The following CHSY3 variants were observed in gnomAD, a reference collection of about 807,000 sequenced individuals.
CHSY3 encodes the protein chondroitin sulfate synthase 3.
Under a neutral mutation model 67.2 loss-of-function variants are expected in CHSY3, and 35 were observed. That is an observed-to-expected ratio of 0.52 (90% CI 0.40 to 0.69). The LOEUF (loss-of-function observed/expected upper bound fraction) is 0.69, where lower values mean the gene tolerates loss of function less well. Ranked by LOEUF, CHSY3 falls within the 30% of genes least tolerant of loss-of-function variation. CHSY3 has a pLI of 0.00. For synonymous variants in CHSY3, 474 were observed against 434.7 expected (o/e 1.09, Z -1.12); for missense variants, 1,069 against 1,138.5 (o/e 0.94, Z 0.88).
intron 2 of CHSY3, among the ~76,000 whole-genome samples, chr5:130,097,969 A>C (rs1434003830): frequency 6.6e-6 from 1 of 152,110 alleles, no homozygotes; most frequent in Non-Finnish European, 1.5e-5. Context: ...GCGCCCCTGC[A>C]CTCCAGCCTG....
rs145340100 is a variant in CHSY3, at chr5:130,011,534, C to G, written c.1086+103174C>G. Among the ~76,000 whole-genome samples, 1,097 of 152,190 alleles carry G rather than the reference C, an allele frequency of 7.2e-3. 11 individuals are homozygous for G. Among genetic ancestry groups the G allele is most frequent in the African/African-American group, 0.025 (1,057 of 41,528 alleles). On this transcript the variant is annotated intron_variant, in intron 2 of 2. Coordinates refer to ENST00000305031, the MANE Select transcript of CHSY3 (RefSeq NM_175856.5). Reference sequence around the variant, plus strand: ...CCAACATCATACTGAATGGGCAAAACCTGGAAGCATTCCTTTGAGAACTGG... The same window carrying G: ...CCAACATCATACTGAATGGGCAAAAGCTGGAAGCATTCCTTTGAGAACTGG...
chr5:129,918,934 C>T (rs1385338528), intron 2 of CHSY3, among the ~76,000 whole-genome samples: 1 of 147,842 alleles, frequency 6.8e-6, no homozygotes, highest in Admixed American at 6.7e-5. Context: ...GGTGAAACCC[C>T]GTCTCTACTA....
At chr5:130,143,784 G>GTGTATATATATATATGTGTGTA (rs1179526892) in intron 2 of CHSY3, among the ~76,000 whole-genome samples, 1 of 73,844 alleles carries the variant, frequency 1.4e-5, no homozygotes, top group African/African-American at 6.2e-5. Flanking sequence ...ATATATATGT[G>GTGTATATATATATATGTGTGTA]TATATATATA....
intron 2 of CHSY3, among the ~76,000 whole-genome samples, chr5:129,969,561 C>T (rs1436763009): frequency 1.3e-5 from 2 of 151,708 alleles, no homozygotes; most frequent in Non-Finnish European, 2.9e-5. Flanking sequence ...GATCTCAAGC[C>T]TAAAAAGAAA....
At chr5:129,939,083 G>T (rs1003193013) in intron 2 of CHSY3, among the ~76,000 whole-genome samples, 22 of 152,148 alleles carry the variant, frequency 1.4e-4, no homozygotes, top group Non-Finnish European at 2.6e-4. Context: ...GGAGCCCTCA[G>T]GAAACTTACA....
chr5:130,124,735 G>C (rs968308866), intron 2 of CHSY3, among the ~76,000 whole-genome samples: 1 of 152,176 alleles, frequency 6.6e-6, no homozygotes, highest in Non-Finnish European at 1.5e-5. Flanking sequence ...TGGGATTACA[G>C]GCGTGAGCCA....
At chr5:129,972,177 T>G (rs1334296251) in intron 2 of CHSY3, among the ~76,000 whole-genome samples, 1 of 151,040 alleles carries the variant, frequency 6.6e-6, no homozygotes, top group Non-Finnish European at 1.5e-5. Context: ...TCAAAATTAT[T>G]TAGAATGACT....
chr5:129,951,834 A>AT (rs1377176935), intron 2 of CHSY3, among the ~76,000 whole-genome samples: 1 of 149,750 alleles, frequency 6.7e-6, no homozygotes, highest in African/African-American at 2.4e-5. Flanking sequence ...GGTATGTAAT[A>AT]TTTTTTTAAA....
intron 2 of CHSY3, among the ~76,000 whole-genome samples, chr5:130,071,238 T>C (rs1410884590): frequency 1.3e-5 from 2 of 152,108 alleles, no homozygotes; most frequent in Admixed American, 1.3e-4. Context: ...TGCACAGTTT[T>C]ATAACCATGT....
chr5:130,162,674 A>G (rs573843333), intron 2 of CHSY3, among the ~76,000 whole-genome samples: 2 of 152,226 alleles, frequency 1.3e-5, no homozygotes, highest in African/African-American at 4.8e-5. Flanking sequence ...AGCTAGGACT[A>G]CAGGTGCCTG....
chr5:130,094,542 T>G (rs1331603644), intron 2 of CHSY3, among the ~76,000 whole-genome samples: 1 of 152,158 alleles, frequency 6.6e-6, no homozygotes, highest in Non-Finnish European at 1.5e-5. Flanking sequence ...GAAGAGTTTC[T>G]TATACAGGGG....
chr5:130,091,111 A>AACAC (rs143104865), intron 2 of CHSY3, among the ~76,000 whole-genome samples: 27,277 of 148,632 alleles, frequency 0.18, 2,654 homozygotes, highest in East Asian at 0.25. Context: ...ACTTAAACGC[A>AACAC]ACACACACAC....
At position 129,904,979 on chromosome 5, in the gene CHSY3, C is replaced by A. The variant is rs1290459797; in HGVS notation, c.150C>A (p.Arg50=). 1 of 1,568,290 alleles carries A rather than the reference C, an allele frequency of 6.4e-7. No individual in the cohort carries two copies. Among genetic ancestry groups the A allele is most frequent in the Non-Finnish European group, 8.6e-7 (1 of 1,162,926 alleles). Residue 50 remains arginine (R), a synonymous_variant, in exon 1 of 3, where the codon CGC becomes CGA. Transcript: ENST00000305031. ...CCAGCCTCTGCTCCTACTACGGTCG[C>A]TCTGCTGCTGGCCCCCGCGCCGGCG... ...RGSSLCSYYG[R]SAAGPRAGAQ... is the part of the protein sequence containing the mutation.
intron 2 of CHSY3, among the ~76,000 whole-genome samples, chr5:130,125,679 T>C (rs1241047636): frequency 2.0e-5 from 3 of 152,190 alleles, no homozygotes; most frequent in African/African-American, 7.2e-5. Flanking sequence ...CCCAAATCTA[T>C]ACATGACTGT....
Position 130,014,600 on chromosome 5 carries a change from C to A in CHSY3, c.1086+106240C>A, listed in dbSNP as rs527555858. ...ATCTCCTTGACAATCTAATTACCTC[C>A]CATGAGGTCCCTCCAATGACATGTG... On this transcript the variant is annotated intron_variant, in intron 2 of 2. Transcript: ENST00000305031. 2.5e-4 allele frequency among the ~76,000 whole-genome samples: 38 copies of A among 152,238 alleles called. No homozygotes were observed. The South Asian group carries it at 7.9e-3, about 32-fold the overall frequency.
At chr5:130,002,007 C>A in intron 2 of CHSY3, 1 of 844,764 alleles carries the variant, frequency 1.2e-6, no homozygotes, top group Non-Finnish European at 1.4e-6. Context: ...CTTAGAGCTA[C>A]TCTCTAAGTC....
chr5:130,142,968 C>G (rs1768913235), intron 2 of CHSY3, among the ~76,000 whole-genome samples: 1 of 152,204 alleles, frequency 6.6e-6, no homozygotes, highest in Non-Finnish European at 1.5e-5. Context: ...GTATCTGGTA[C>G]TCATTCTTCA....
intron 2 of CHSY3, among the ~76,000 whole-genome samples, chr5:130,022,897 A>G (rs2038628204): frequency 6.6e-6 from 1 of 151,972 alleles, no homozygotes; most frequent in African/African-American, 2.4e-5. Flanking sequence ...CTTCCAGTAA[A>G]ATGTGAAATT....
chr5:130,160,174 G>T (rs1769489381), intron 2 of CHSY3, among the ~76,000 whole-genome samples: 1 of 152,150 alleles, frequency 6.6e-6, no homozygotes, highest in African/African-American at 2.4e-5. Flanking sequence ...TTCATAGAAA[G>T]ATTATGTAAA....
Sources: allele counts gnomAD v4.1 joint callset (sites outside exome capture counted in the v4.1 genomes callset), GRCh38; gene constraint gnomAD v4.1.1; transcripts MANE v1.5; gene names NCBI Gene and HGNC (gene_info 2026-07-23, HGNC 2026-07-21).